ANKRD28: variants seen among roughly 807,000 people sequenced by gnomAD.
ANKRD28 encodes the protein serine/threonine-protein phosphatase 6 regulatory ankyrin repeat subunit A.
A neutral mutation model predicts 126.5 loss-of-function variants in ANKRD28; 44 were observed. That is an observed-to-expected ratio of 0.35 (90% confidence interval 0.27 to 0.45). ANKRD28 has a LOEUF of 0.45. Among genes scored for constraint, ANKRD28 ranks in the 20% least tolerant of loss-of-function variants. The pLI is 1.00. For synonymous variants in ANKRD28, 442 were observed against 468.5 expected (o/e 0.94, Z 0.73); for missense variants, 1,110 against 1,316.6 (o/e 0.84, Z 2.43).
chr3:15,669,340 C>T lies in ANKRD28; in HGVS notation c.*930G>A, dbSNP rs571949641. The T allele has an allele frequency of 6.6e-6, 1 of 152,322 alleles. No individual in the cohort carries two copies. The highest frequency in any genetic ancestry group is 6.5e-5 in the Admixed American group (1 of 15,294). 9.4% of individuals were successfully genotyped at this position (152,322 alleles called of 1,614,324 possible). ...GTGCCATTCATAGAGAGGTTGAAGA[C>T]TCCATGCCCCAGGACCACTTAGCTG... On this transcript the variant is annotated 3_prime_UTR_variant, in exon 28 of 28. Transcript: ENST00000683139.
intron 2 of ANKRD28, among the ~76,000 whole-genome samples, chr3:15,774,387 T>C (rs2059161592): frequency 6.6e-6 from 1 of 152,126 alleles, no homozygotes; most frequent in Non-Finnish European, 1.5e-5. Flanking sequence ...ATTCGGAATA[T>C]ATAAAGAACT....
Position 15,816,843 on chromosome 3 carries a change from T to C in ANKRD28, c.28-21537A>G, listed in dbSNP as rs759339766. 3.3e-5 allele frequency among the ~76,000 whole-genome samples: 5 copies of C among 152,142 alleles called. No homozygotes were observed. The highest frequency in any genetic ancestry group is 1.2e-4 in the African/African-American group (5 of 41,430). On this transcript the variant is annotated intron_variant, in intron 1 of 27. Coordinates refer to the ANKRD28 transcript ENST00000399451. This position sits in a 1 kb window ranked among gnomAD's most constrained non-coding sequence, Gnocchi z 5.0. ...TCCAAACTGAGAGTAAATATGTGCA[T>C]AGGTTGTGCATAGATTAATCATAGA...
chr3:15,782,564 T>A (rs897579988), intron 2 of ANKRD28, among the ~76,000 whole-genome samples: 1 of 151,976 alleles, frequency 6.6e-6, no homozygotes, highest in South Asian at 2.1e-4. Context: ...GGAACTAAAT[T>A]TGAAATACAG....
At chr3:15,674,196 A>AAAAAAAAAAAAAAAAAAAACAAG (rs1470515364) in intron 27 of ANKRD28, among the ~76,000 whole-genome samples, 1 of 130,082 alleles carries the variant, frequency 7.7e-6, no homozygotes, top group African/African-American at 3.3e-5. Flanking sequence ...AAAAAAAAAA[A>AAAAAAAAAAAAAAAAAAAACAAG]AAGAAGAAGA....
At chr3:15,851,151 A>G (rs1038152274) in intron 1 of ANKRD28, among the ~76,000 whole-genome samples, 4 of 152,196 alleles carry the variant, frequency 2.6e-5, no homozygotes, top group Admixed American at 6.5e-5. Context: ...CTTATCACAA[A>G]TAAATACTTC....
rs1416197239 is a variant in ANKRD28, at chr3:15,670,539, C to T, written c.2983G>A (p.Ala995Thr). The change falls in exon 28 of 28, where the codon GCC becomes ACC. Residue 995 changes from alanine to threonine, a missense_variant. Coordinates refer to ENST00000683139, the MANE Select transcript of ANKRD28 (RefSeq NM_001349278.2). ...GCCACATCCTTATTGGGAGCACAGG[C>T]CAAAGCTGGGGTATAGCCTAGAATT... ...VDENGYTPAL[A>T]CAPNKDVADC... is the part of the protein sequence containing the mutation. 1 of 1,613,648 alleles carries T rather than the reference C, an allele frequency of 6.2e-7. No individual in the cohort carries two copies. Among genetic ancestry groups the T allele is most frequent in the Non-Finnish European group, 8.5e-7 (1 of 1,179,724 alleles).
intron 10 of ANKRD28, among the ~76,000 whole-genome samples, chr3:15,712,752 T>C (rs2072481424): frequency 6.6e-6 from 1 of 152,228 alleles, no homozygotes; most frequent in Non-Finnish European, 1.5e-5. Flanking sequence ...GTGAAATCTT[T>C]ATACAATAAT....
At chr3:15,813,940 C>A (rs566003291) in intron 1 of ANKRD28, among the ~76,000 whole-genome samples, 5 of 152,078 alleles carry the variant, frequency 3.3e-5, no homozygotes, top group Admixed American at 6.6e-5. Flanking sequence ...AAACTAGTTG[C>A]GATACCATTA....
intron 1 of ANKRD28, among the ~76,000 whole-genome samples, chr3:15,810,774 T>C (rs1324647746): frequency 1.3e-5 from 2 of 151,934 alleles, no homozygotes. Context: ...ATCACAACTT[T>C]ATAGGTAAGA....
intron 14 of ANKRD28, among the ~76,000 whole-genome samples, chr3:15,700,716 G>A (rs2070452316): frequency 6.6e-6 from 1 of 152,210 alleles, no homozygotes; most frequent in Non-Finnish European, 1.5e-5. Flanking sequence ...GGAGGTTGCA[G>A]TGAGCAGAGA....
At chr3:15,769,853 A>G (rs963923326) in intron 2 of ANKRD28, among the ~76,000 whole-genome samples, 3 of 152,162 alleles carry the variant, frequency 2.0e-5, no homozygotes, top group African/African-American at 7.2e-5. Flanking sequence ...CAAACAGTGA[A>G]CAGTAAAAAC....
rs2061387965 is a variant in ANKRD28 at position 15,839,466 on chromosome 3, A to G, written c.27+19911T>C. ...TTCAGCACACAGGAACACCAAACCA[A>G]TGAAAACTATAATCACATTTCAGAA... On this transcript the variant is annotated intron_variant, in intron 1 of 27. Transcript: ENST00000399451. The surrounding 1 kb of genome is among the most constrained non-coding windows in gnomAD (Gnocchi z 4.3). Among the ~76,000 whole-genome samples, 1 of 152,194 alleles carries G rather than the reference A, an allele frequency of 6.6e-6. No individual in the cohort carries two copies. The highest frequency in any genetic ancestry group is 1.5e-5 in the Non-Finnish European group (1 of 68,032).
chr3:15,743,530 G>T (rs1049714506), intron 4 of ANKRD28, among the ~76,000 whole-genome samples: 3 of 148,370 alleles, frequency 2.0e-5, no homozygotes, highest in Non-Finnish European at 4.4e-5. Context: ...CTCCAGCAGT[G>T]CAGTGTGGCT....
In ANKRD28 at chr3:15,805,205, G is replaced by A. The variant is rs536395208; in HGVS notation, c.28-9899C>T. 1.3e-4 allele frequency among the ~76,000 whole-genome samples: 15 copies of A among 115,652 alleles called. 2 individuals carry two copies. Among genetic ancestry groups the A allele is most frequent in the African/African-American group, 4.6e-4 (13 of 28,266 alleles). The allele number at this position is 115,652 out of a possible 152,430, so 75.9% of individuals were successfully genotyped here. ...AATTCAACAGGCCAAACTAACACAG[G>A]TTAGTTTTCTAGAATACACCTAATA... On this transcript the variant is annotated intron_variant, in intron 1 of 27. Transcript: ENST00000399451.
chr3:15,736,603 T>C (rs2075033094), intron 5 of ANKRD28, among the ~76,000 whole-genome samples: 1 of 152,248 alleles, frequency 6.6e-6, no homozygotes, highest in African/African-American at 2.4e-5. Flanking sequence ...TTGTGTAAGA[T>C]AACTAAATAG....
intron 21 of ANKRD28, among the ~76,000 whole-genome samples, chr3:15,683,431 C>G (rs913539526): frequency 6.6e-6 from 1 of 152,162 alleles, no homozygotes; most frequent in Non-Finnish European, 1.5e-5. Context: ...TCACTACACT[C>G]ATTTCTACTT....
Position 15,669,006 on chromosome 3 carries a change from T to A in ANKRD28, c.*1264A>T, listed in dbSNP as rs150565657. 309 of 152,710 alleles carry A rather than the reference T, an allele frequency of 2.0e-3. 2 individuals carry two copies. Among genetic ancestry groups the A allele is most frequent in the Middle Eastern group, 0.01 (3 of 294 alleles). The allele number at this position is 152,710 out of a possible 1,614,324, so 9.5% of individuals were successfully genotyped here. On this transcript the variant is annotated 3_prime_UTR_variant, in exon 28 of 28. Coordinates refer to ENST00000683139, the MANE Select transcript of ANKRD28 (RefSeq NM_001349278.2). ...AAATCTTTATTTAAAAGCCGAAATA[T>A]CAGCCTTCTCTCTCTCTTTTGCTAT...
chr3:15,736,436 C>T (rs2075021576), intron 5 of ANKRD28, among the ~76,000 whole-genome samples: 1 of 152,124 alleles, frequency 6.6e-6, no homozygotes, highest in African/African-American at 2.4e-5. Context: ...GCCACAGAAT[C>T]TTGGGAATGT....
intron 3 of ANKRD28, chr3:15,756,528 G>A (rs2058166483): frequency 1.0e-6 from 1 of 985,148 alleles, no homozygotes; most frequent in African/African-American, 1.7e-5. Context: ...CTGAAGAGAG[G>A]TCTAACGTTG....
Sources: gnomAD v4.1 joint callset for allele counts (sites outside exome capture counted in the v4.1 genomes callset) on GRCh38, gnomAD v4.1.1 for gene constraint, Gnocchi (gnomAD v3.1) non-coding constraint, MANE v1.5 for transcripts, NCBI Gene and HGNC (gene_info 2026-07-23, HGNC 2026-07-21) for gene names.